Variants in SRGAP3 observed in about 807,000 individuals in gnomAD.
SRGAP3 encodes SLIT-ROBO Rho GTPase activating protein 3, also known as SLIT-ROBO Rho GTPase-activating protein 3.
Under a neutral mutation model 121.1 loss-of-function variants are expected in SRGAP3, and 39 were observed. The observed-to-expected ratio is 0.32, with a 90% CI of 0.25 to 0.42. SRGAP3 has a LOEUF of 0.42. SRGAP3 is among the 10% of genes least tolerant of loss of function. The pLI is 1.00. For missense variants in SRGAP3, 1,213 were observed against 1,470.6 expected (o/e 0.82, Z 2.86); for synonymous variants, 601 against 570.0 (o/e 1.05, Z -0.77).
At chr3:9,228,800 C>T (rs553772971) in intron 1 of SRGAP3, among the ~76,000 whole-genome samples, 10 of 151,964 alleles carry the variant, frequency 6.6e-5, no homozygotes, top group East Asian at 5.8e-4. Context: ...GGTGGGCTCA[C>T]GCCTGTAATC....
At chr3:9,163,295 G>A (rs1950661777) in intron 1 of SRGAP3, among the ~76,000 whole-genome samples, 1 of 152,208 alleles carries the variant, frequency 6.6e-6, no homozygotes, top group African/African-American at 2.4e-5. Context: ...GCGGCTCCAA[G>A]CTAAGGCGGC....
At chr3:9,110,273 T>C (rs1248656006) in intron 2 of SRGAP3, among the ~76,000 whole-genome samples, 1 of 150,082 alleles carries the variant, frequency 6.7e-6, no homozygotes. Context: ...TCTGTGGAGA[T>C]GAAGAGGAGC....
At chr3:9,113,049 T>C (rs1008156481) in intron 2 of SRGAP3, among the ~76,000 whole-genome samples, 2 of 151,976 alleles carry the variant, frequency 1.3e-5, no homozygotes, top group Non-Finnish European at 2.9e-5. Flanking sequence ...TGACAGAAAG[T>C]GAGTGTGGCC....
intron 3 of SRGAP3, among the ~76,000 whole-genome samples, chr3:9,085,560 C>T (rs1375096300): frequency 1.3e-5 from 2 of 152,126 alleles, no homozygotes; most frequent in Admixed American, 6.5e-5. Flanking sequence ...TTGGAATCAA[C>T]CCAAATACCG....
rs549808398 is a variant in SRGAP3 at position 9,086,220 on chromosome 3, C to T, written c.424-6133G>A. Among the ~76,000 whole-genome samples the T allele has an allele frequency of 4.2e-4, 64 of 152,118 alleles. No homozygotes were observed. In the Middle Eastern group the frequency reaches 0.02, roughly 49 times the overall value. ...ATGCAACAGAGTCTGCCACAGAGTA[C>T]GTGCTCATTAAATATGTTTGCTTGG... On this transcript the variant is annotated intron_variant, in intron 3 of 21. Transcript: ENST00000383836.
intron 1 of SRGAP3, among the ~76,000 whole-genome samples, chr3:9,354,731 T>TA (rs2030401886): frequency 1.4e-5 from 2 of 144,274 alleles, no homozygotes; most frequent in South Asian, 4.5e-4. Context: ...GACATTAAGG[T>TA]AAAAAAGATA....
chr3:9,316,188 A>G (rs904067346), intron 3 of SRGAP3, among the ~76,000 whole-genome samples: 18 of 152,156 alleles, frequency 1.2e-4, no homozygotes, highest in African/African-American at 4.1e-4. Context: ...TGCTGGGATA[A>G]CAGGCACACA....
intron 3 of SRGAP3, among the ~76,000 whole-genome samples, chr3:9,285,247 C>T (rs1176874425): frequency 2.0e-5 from 3 of 152,202 alleles, no homozygotes; most frequent in South Asian, 2.1e-4. Context: ...GGTCCACTGA[C>T]GTTAGAGTGG....
intron 2 of SRGAP3, among the ~76,000 whole-genome samples, chr3:9,123,300 C>T: frequency 6.6e-6 from 1 of 151,636 alleles, no homozygotes; most frequent in East Asian, 1.9e-4. Flanking sequence ...GTGTTTAGTG[C>T]CACTGAACTG....
intron 18 of SRGAP3, among the ~76,000 whole-genome samples, chr3:9,002,712 A>G (rs1019078051): frequency 6.6e-6 from 1 of 152,146 alleles, no homozygotes; most frequent in Middle Eastern, 3.2e-3. Context: ...CCAAGAAAAC[A>G]TGAGAGAGGA....
At chr3:9,072,196 C>T (rs2125238021) in intron 4 of SRGAP3, among the ~76,000 whole-genome samples, 1 of 152,308 alleles carries the variant, frequency 6.6e-6, no homozygotes, top group African/African-American at 2.4e-5. Flanking sequence ...ATCCCGGGTG[C>T]TGCTTCCCAC....
intron 10 of SRGAP3, among the ~76,000 whole-genome samples, chr3:9,040,850 C>T (rs1162811005): frequency 6.6e-6 from 1 of 152,188 alleles, no homozygotes; most frequent in Non-Finnish European, 1.5e-5. Context: ...TGTAGCTTAT[C>T]ATTAATATTT....
At chr3:9,126,340 T>C (rs1239839104) in intron 1 of SRGAP3, among the ~76,000 whole-genome samples, 1 of 152,170 alleles carries the variant, frequency 6.6e-6, no homozygotes, top group Non-Finnish European at 1.5e-5. Flanking sequence ...CCATTTAAAA[T>C]GTTCATGTTG....
At chr3:9,175,501 C>A (rs772954826) in intron 1 of SRGAP3, among the ~76,000 whole-genome samples, 14 of 152,208 alleles carry the variant, frequency 9.2e-5, no homozygotes, top group Admixed American at 7.2e-4. Flanking sequence ...AGGGAAGACA[C>A]AGCTGGATGG....
chr3:9,084,801 T>C (rs1212033669), intron 3 of SRGAP3, among the ~76,000 whole-genome samples: 2 of 152,204 alleles, frequency 1.3e-5, no homozygotes, highest in East Asian at 3.9e-4. Flanking sequence ...TGAAATTTCC[T>C]GGAAATGGAC....
At chr3:9,122,589 G>A (rs1949050457) in intron 2 of SRGAP3, among the ~76,000 whole-genome samples, 1 of 151,764 alleles carries the variant, frequency 6.6e-6, no homozygotes, top group African/African-American at 2.4e-5. Flanking sequence ...GGCACCTGTA[G>A]TCCCAGCTAC....
intron 3 of SRGAP3, among the ~76,000 whole-genome samples, chr3:9,303,923 T>C (rs1461702264): frequency 1.3e-5 from 2 of 152,098 alleles, no homozygotes; most frequent in Non-Finnish European, 2.9e-5. Flanking sequence ...GTGTTTGGGG[T>C]CCCCATGCCC....
chr3:9,305,403 TTTTTTA>T (rs2125276359), intron 3 of SRGAP3, among the ~76,000 whole-genome samples: 1 of 150,860 alleles, frequency 6.6e-6, no homozygotes, highest in African/African-American at 2.4e-5. Context: ...TTTGTTGCTG[TTTTTTA>T]TTTTTATTTT....
chr3:9,266,730 T>G (rs115454573), intron 3 of SRGAP3, among the ~76,000 whole-genome samples: 3,111 of 151,896 alleles, frequency 0.02, 57 homozygotes, highest in Middle Eastern at 0.051. Flanking sequence ...GGCAGCAGAG[T>G]CAATTACTCC....
Sources: allele counts gnomAD v4.1 joint callset (sites outside exome capture counted in the v4.1 genomes callset), GRCh38; gene constraint gnomAD v4.1.1; transcripts MANE v1.5; gene names NCBI Gene and HGNC (gene_info 2026-07-23, HGNC 2026-07-21).